USH2A: variants seen among roughly 807,000 people sequenced by gnomAD.
USH2A encodes the protein usherin.
In USH2A, 443 loss-of-function variants were observed where a neutral mutation model predicts 538.9. That is an observed-to-expected ratio of 0.82 (90% CI 0.76 to 0.89). USH2A has a LOEUF of 0.89. Ranked by LOEUF, USH2A falls within the 40% of genes least tolerant of loss-of-function variation. The pLI, the probability that USH2A is intolerant of heterozygous loss-of-function variation, is 0.00. For synonymous variants in USH2A, 2,413 were observed against 2,273.5 expected (o/e 1.06, Z -1.75); for missense variants, 6,633 against 6,324.8 (o/e 1.05, Z -1.65).
intron 61 of USH2A, among the ~76,000 whole-genome samples, chr1:215,697,944 A>C (rs1340926354): frequency 6.6e-6 from 1 of 152,184 alleles, no homozygotes; most frequent in Non-Finnish European, 1.5e-5. Flanking sequence ...CGTCATCTAC[A>C]TTAGGTATTT....
chr1:216,046,947 G>A (rs931046509), intron 31 of USH2A, among the ~76,000 whole-genome samples: 1 of 152,164 alleles, frequency 6.6e-6, no homozygotes, highest in Non-Finnish European at 1.5e-5. Flanking sequence ...GATCTGAGAT[G>A]AGTAATGCTG....
chr1:215,757,299 T>C (rs1292310564), intron 58 of USH2A, among the ~76,000 whole-genome samples: 2 of 152,240 alleles, frequency 1.3e-5, no homozygotes, highest in African/African-American at 4.8e-5. Flanking sequence ...TTTTTCTCTT[T>C]GATCTTAGAT....
At chr1:216,311,652 G>A (rs2037422074) in intron 9 of USH2A, among the ~76,000 whole-genome samples, 1 of 152,118 alleles carries the variant, frequency 6.6e-6, no homozygotes, top group African/African-American at 2.4e-5. Context: ...TCATGGGGCG[G>A]AAGAGTTAAC....
intron 21 of USH2A, among the ~76,000 whole-genome samples, chr1:216,166,429 G>C (rs1231839662): frequency 6.6e-6 from 1 of 152,072 alleles, no homozygotes. Flanking sequence ...TTTGTGAAGG[G>C]CATCTCTCGC....
Position 216,156,295 on chromosome 1 carries a change from C to CTTTTTTTTTTTTTTTTTTTTTTTTTTT in USH2A, c.4627+18956_4627+18957insAAAAAAAAAAAAAAAAAAAAAAAAAAA, listed in dbSNP as rs35698520. ...TTCTTTCTTTCTTTCTTTTTTTTTT[C>CTTTTTTTTTTTTTTTTTTTTTTTTTTT]TTTTTTTTTTTTTTTTTGGCCTAGC... On this transcript the variant is annotated intron_variant, in intron 21 of 71. Coordinates refer to ENST00000307340, the MANE Select transcript of USH2A (RefSeq NM_206933.4). 6.3e-4 allele frequency among the ~76,000 whole-genome samples: 66 copies of CTTTTTTTTTTTTTTTTTTTTTTTTTTT among 105,508 alleles called. 1 individual carries two copies. Among genetic ancestry groups the CTTTTTTTTTTTTTTTTTTTTTTTTTTT allele is most frequent in the Non-Finnish European group, 6.9e-4 (37 of 53,364 alleles). The allele number at this position is 105,508 out of a possible 152,430, so 69.2% of individuals were successfully genotyped here.
intron 37 of USH2A, among the ~76,000 whole-genome samples, chr1:215,939,695 A>T (rs1666589170): frequency 6.6e-6 from 1 of 152,156 alleles, no homozygotes; most frequent in African/African-American, 2.4e-5. Flanking sequence ...TTGGAATAAC[A>T]TAAATGGGTA....
At chr1:215,885,777 T>G (rs1266703686) in intron 41 of USH2A, among the ~76,000 whole-genome samples, 1 of 152,196 alleles carries the variant, frequency 6.6e-6, no homozygotes, top group Non-Finnish European at 1.5e-5. Context: ...TGGACTGTAA[T>G]TCTTACAGGT....
chr1:215,680,666 T>TA (rs879571874), intron 61 of USH2A, among the ~76,000 whole-genome samples: 1,679 of 143,444 alleles, frequency 0.012, 43 homozygotes, highest in Admixed American at 0.058. Context: ...ATATAAACAT[T>TA]AAAAAAAAAA....
chr1:215,941,084 ACAGT>A (rs1447395667), intron 37 of USH2A, among the ~76,000 whole-genome samples: 1 of 152,104 alleles, frequency 6.6e-6, no homozygotes, highest in Admixed American at 6.6e-5. Context: ...TCTATGTACC[ACAGT>A]CAGATTTTCC....
chr1:215,973,674 T>TG (rs1553283151), intron 35 of USH2A, among the ~76,000 whole-genome samples: 31 of 139,106 alleles, frequency 2.2e-4, no homozygotes, highest in African/African-American at 7.9e-4. Flanking sequence ...TTTTTTTTTT[T>TG]GTCTATCTGA....
intron 68 of USH2A, 53 bp downstream of exon 68, chr1:215,640,505 A>G: frequency 6.2e-7 from 1 of 1,610,250 alleles, no homozygotes; most frequent in East Asian, 2.2e-5. Context: ...GCATCCCGTA[A>G]AGCTGGGGAA....
chr1:216,362,992 T>C (rs2038524820), intron 4 of USH2A, among the ~76,000 whole-genome samples: 1 of 151,448 alleles, frequency 6.6e-6, no homozygotes, highest in African/African-American at 2.4e-5. Flanking sequence ...TGATATAGTT[T>C]AGTAATTTTT....
intron 64 of USH2A, among the ~76,000 whole-genome samples, chr1:215,654,776 A>G (rs1366315003): frequency 6.6e-6 from 1 of 152,220 alleles, no homozygotes; most frequent in Non-Finnish European, 1.5e-5. Context: ...TTCTGTTTTC[A>G]ATGTAATATA....
intron 4 of USH2A, among the ~76,000 whole-genome samples, chr1:216,350,779 T>C (rs551712326): frequency 6.6e-6 from 1 of 152,294 alleles, no homozygotes; most frequent in Admixed American, 6.5e-5. Flanking sequence ...TGCCAGTGGC[T>C]ACCATTCTGG....
In USH2A at chr1:216,086,738, G is replaced by T; in HGVS notation, c.4968C>A (p.Thr1656=). The change falls in exon 24 of 72, where the codon ACC becomes ACA. Residue 1656 remains threonine (T), a synonymous_variant. Transcript: ENST00000307340. ...ACTCACCAGGATCCTTCCTGAGGAT[G>T]GTATAACTTCGCGGGAGCCCTCCCA... The part of the protein sequence containing the change: ...VFLGGLPRSY[T]ILRKDPEIIQ... 1.2e-6 allele frequency: 2 copies of T among 1,612,616 alleles called. No homozygotes were observed. Among genetic ancestry groups the T allele is most frequent in the South Asian group, 1.1e-5 (1 of 91,030 alleles).
At chr1:215,896,733 T>A (rs1225247326) in intron 40 of USH2A, among the ~76,000 whole-genome samples, 1 of 152,180 alleles carries the variant, frequency 6.6e-6, no homozygotes, top group Non-Finnish European at 1.5e-5. Flanking sequence ...TTTCAGCTGC[T>A]AGGCAAGTGC....
At chr1:216,046,353 A>G (rs1251734865) in intron 32 of USH2A, 78 bp downstream of exon 32, 1 of 1,553,166 alleles carries the variant, frequency 6.4e-7, no homozygotes, top group African/African-American at 1.4e-5. Context: ...GAACCCCTGG[A>G]TATCGAGAGC....
chr1:215,639,032 C>A, intron 69 of USH2A, 123 bp downstream of exon 69: 2 of 962,326 alleles, frequency 2.1e-6, no homozygotes, highest in South Asian at 1.5e-5. Context: ...CAACACTTGG[C>A]ACAATTTCTT....
Position 215,756,029 on chromosome 1 carries a change from T to C in USH2A, c.11389+2566A>G, listed in dbSNP as rs751478262. 4.1e-4 allele frequency among the ~76,000 whole-genome samples: 62 copies of C among 152,310 alleles called. No homozygotes were observed. Among genetic ancestry groups the C allele is most frequent in the Non-Finnish European group, 6.8e-4 (46 of 68,014 alleles). On this transcript the variant is annotated intron_variant, in intron 58 of 71. Transcript: ENST00000307340. ...CAGCAAATGTTGGAACAAATACGTT[T>C]TAAAAATGAGCAATTAAAGATAAAA...
Sources: allele counts gnomAD v4.1 joint callset (sites outside exome capture counted in the v4.1 genomes callset), GRCh38; gene constraint gnomAD v4.1.1; transcripts MANE v1.5; gene names NCBI Gene and HGNC (gene_info 2026-07-23, HGNC 2026-07-21).